KCTD1: variants seen among roughly 807,000 people sequenced by gnomAD.
The protein encoded by KCTD1 is potassium channel tetramerization domain containing 1.
A neutral mutation model predicts 66.0 loss-of-function variants in KCTD1; 24 were observed. The ratio of observed to expected loss-of-function variants is 0.36; its 90% CI spans 0.26 to 0.51. The LOEUF (loss-of-function observed/expected upper bound fraction) is 0.51, where lower values mean the gene tolerates loss of function less well. Among genes scored for constraint, KCTD1 ranks in the 20% least tolerant of loss-of-function variants. The pLI, the probability that KCTD1 is intolerant of heterozygous loss-of-function variation, is 0.95. For missense variants in KCTD1, 943 were observed against 1,205.2 expected, an observed-to-expected ratio of 0.78 and a Z score of 3.22; for synonymous variants, 511 against 517.2, an observed-to-expected ratio of 0.99 and a Z score of 0.16.
intron 3 of KCTD1, among the ~76,000 whole-genome samples, chr18:26,466,480 T>TTTAG (rs1980739720): frequency 6.6e-6 from 1 of 152,214 alleles, no homozygotes; most frequent in Admixed American, 6.5e-5. Flanking sequence ...CTAGAGGGCA[T>TTTAG]TTAGCAATGT....
intron 2 of KCTD1, among the ~76,000 whole-genome samples, chr18:26,498,902 T>C (rs377619681): frequency 6.6e-6 from 1 of 152,132 alleles, no homozygotes; most frequent in African/African-American, 2.4e-5. Flanking sequence ...TAGCAAATTA[T>C]TTGAGAGATA....
chr18:26,560,581 A>G (rs916493940), intron 1 of KCTD1, among the ~76,000 whole-genome samples: 3 of 152,210 alleles, frequency 2.0e-5, no homozygotes, highest in African/African-American at 7.2e-5. Context: ...ATTGGGACCC[A>G]CTGCCCTTAG....
intron 1 of KCTD1, among the ~76,000 whole-genome samples, chr18:26,584,954 T>C (rs932217699): frequency 6.6e-6 from 1 of 151,964 alleles, no homozygotes; most frequent in Non-Finnish European, 1.5e-5. Flanking sequence ...TGCTGGAGTG[T>C]GGGAGTGAGC....
At chr18:26,538,819 G>A (rs1449006544) in intron 1 of KCTD1, among the ~76,000 whole-genome samples, 1 of 152,188 alleles carries the variant, frequency 6.6e-6, no homozygotes, top group Non-Finnish European at 1.5e-5. Flanking sequence ...ATTTGCTCCA[G>A]GGGATGTGGC....
chr18:26,579,223 GA>G (rs1478403168), intron 1 of KCTD1, among the ~76,000 whole-genome samples: 43 of 151,918 alleles, frequency 2.8e-4, no homozygotes, highest in African/African-American at 9.9e-4. Context: ...ACCTCCAGTA[GA>G]AAATAAGTTA....
intron 1 of KCTD1, among the ~76,000 whole-genome samples, chr18:26,527,001 C>T: frequency 6.6e-6 from 1 of 152,056 alleles, no homozygotes; most frequent in East Asian, 1.9e-4. Flanking sequence ...AGCACTAATG[C>T]TTTAACCCCT....
chr18:26,574,150 T>C (rs1166197529), intron 1 of KCTD1, among the ~76,000 whole-genome samples: 1 of 152,208 alleles, frequency 6.6e-6, no homozygotes, highest in Non-Finnish European at 1.5e-5. Flanking sequence ...CTCTTATTGA[T>C]CATAATTAAT....
Position 26,547,061 on chromosome 18 carries a change from G to A in KCTD1, c.1476C>T (p.Ser492=). ...GGGAGGGATGGGTGGGGGGGTGGTG[G>A]GAGTGGTGCCGTGCCGCCCCGTTCA... ...EALNGAARHH[S]HHPPTHPSHH... Residue 492 remains serine (S), a synonymous_variant, in exon 1 of 5, where the codon TCC becomes TCT. Transcript: ENST00000580059. The A allele has an allele frequency of 1.3e-6, 2 of 1,509,734 alleles. No individual in the cohort carries two copies. Among genetic ancestry groups the A allele is most frequent in the Non-Finnish European group, 1.8e-6 (2 of 1,127,540 alleles). 93.5% of individuals were successfully genotyped at this position (1,509,734 alleles called of 1,614,324 possible). A position where few individuals can be genotyped will look rare whatever the true frequency, so the allele number is the denominator to read the frequency against.
At chr18:26,529,062 T>C (rs1003332382) in intron 1 of KCTD1, among the ~76,000 whole-genome samples, 5 of 152,172 alleles carry the variant, frequency 3.3e-5, no homozygotes, top group Admixed American at 1.3e-4. Flanking sequence ...CATTTCCACC[T>C]AGTCACACCA....
chr18:26,496,328 T>C (rs954620282), intron 2 of KCTD1, among the ~76,000 whole-genome samples: 3 of 152,234 alleles, frequency 2.0e-5, no homozygotes, highest in African/African-American at 7.2e-5. Context: ...ATAATTCTTT[T>C]TTGGTGGTAA....
chr18:26,643,175 G>A (rs2145065443), upstream of KCTD1, among the ~76,000 whole-genome samples: 1 of 152,288 alleles, frequency 6.6e-6, no homozygotes, highest in Middle Eastern at 3.4e-3. Context: ...CCACCTTCTT[G>A]CTGTGTGCTC....
intron 1 of KCTD1, among the ~76,000 whole-genome samples, chr18:26,610,634 G>C (rs1330618305): frequency 2.0e-5 from 3 of 150,272 alleles, no homozygotes; most frequent in Non-Finnish European, 4.4e-5. Context: ...AGGAAGGAAG[G>C]AGGGAGGGAG....
chr18:26,643,622 C>T (rs1273576659), upstream of KCTD1, among the ~76,000 whole-genome samples: 6 of 152,126 alleles, frequency 3.9e-5, no homozygotes, highest in Non-Finnish European at 5.9e-5. Context: ...GAACAGCCTC[C>T]GTGGGGAATG....
chr18:26,486,384 G>A (rs1044815547), intron 2 of KCTD1, among the ~76,000 whole-genome samples: 7 of 152,328 alleles, frequency 4.6e-5, no homozygotes, highest in African/African-American at 1.7e-4. Context: ...GTGTCCGTCT[G>A]TCCCAGAAGT....
chr18:26,597,937 A>G (rs1403982125), intron 1 of KCTD1, among the ~76,000 whole-genome samples: 1 of 152,210 alleles, frequency 6.6e-6, no homozygotes, highest in East Asian at 1.9e-4. Flanking sequence ...TACAGGCGTG[A>G]GCCACCGCAC....
chr18:26,467,136 G>GTT (rs71376962), intron 3 of KCTD1, among the ~76,000 whole-genome samples: 9,138 of 130,200 alleles, frequency 0.07, 327 homozygotes, highest in African/African-American at 0.11. Context: ...GGTATAGTTT[G>GTT]TTTTTTTTTT....
chr18:26,581,947 CA>C (rs2144923251), intron 1 of KCTD1, among the ~76,000 whole-genome samples: 1 of 152,114 alleles, frequency 6.6e-6, no homozygotes, highest in Non-Finnish European at 1.5e-5. Flanking sequence ...TCCTACAAAT[CA>C]ATAAGATCAA....
chr18:26,569,925 G>A (rs1180007077), intron 1 of KCTD1, among the ~76,000 whole-genome samples: 4 of 152,090 alleles, frequency 2.6e-5, no homozygotes, highest in East Asian at 3.9e-4. Flanking sequence ...AGTGGCTCAC[G>A]CCTGTAATCC....
intron 1 of KCTD1, among the ~76,000 whole-genome samples, chr18:26,527,748 T>G (rs1427799549): frequency 1.3e-5 from 2 of 152,194 alleles, no homozygotes; most frequent in South Asian, 2.1e-4. Context: ...TGTGCCTTTT[T>G]GGGGGCAGGA....
Sources: allele counts gnomAD v4.1 joint callset (sites outside exome capture counted in the v4.1 genomes callset), GRCh38; gene constraint gnomAD v4.1.1; transcripts MANE v1.5; gene names NCBI Gene and HGNC (gene_info 2026-07-23, HGNC 2026-07-21).